The following GALNT17 variants were observed in gnomAD, a reference collection of about 807,000 sequenced individuals.
GALNT17 encodes the protein UDP-GalNAc:polypeptide N-acetylgalactosaminyltransferase-like 3.
A neutral mutation model predicts 63.7 loss-of-function variants in GALNT17; 29 were observed. The observed-to-expected ratio is 0.46, with a 90% CI of 0.34 to 0.62. GALNT17 has a LOEUF of 0.62. GALNT17 is among the 20% of genes least tolerant of loss of function. The pLI, the probability that GALNT17 is intolerant of heterozygous loss-of-function variation, is 0.01. For missense variants in GALNT17, 603 were observed against 799.6 expected (o/e 0.75, Z 2.97); for synonymous variants, 305 against 318.3 (o/e 0.96, Z 0.45).
intron 5 of GALNT17, among the ~76,000 whole-genome samples, chr7:71,470,282 TA>T (rs1303666363): frequency 6.6e-6 from 1 of 152,158 alleles, no homozygotes; most frequent in African/African-American, 2.4e-5. Flanking sequence ...TGATACATTA[TA>T]AAAGGTAAGA....
chr7:71,211,218 G>A (rs1171074010), intron 1 of GALNT17, among the ~76,000 whole-genome samples: 1 of 152,136 alleles, frequency 6.6e-6, no homozygotes, highest in Non-Finnish European at 1.5e-5. Flanking sequence ...CCAGGGGGAG[G>A]TAGTTGAATC....
chr7:71,683,946 T>C (rs574988044), intron 9 of GALNT17, among the ~76,000 whole-genome samples: 2 of 149,330 alleles, frequency 1.3e-5, no homozygotes, highest in Non-Finnish European at 3.0e-5. Flanking sequence ...GAGGCGGAGG[T>C]TGCAGTGAGC....
intron 1 of GALNT17, among the ~76,000 whole-genome samples, chr7:71,259,025 T>G: frequency 6.6e-6 from 1 of 152,062 alleles, no homozygotes; most frequent in East Asian, 1.9e-4. Flanking sequence ...GGGGACCTCT[T>G]CTAGTTGTTT....
chr7:71,690,650 T>G (rs1173692347), intron 9 of GALNT17, among the ~76,000 whole-genome samples: 1 of 152,178 alleles, frequency 6.6e-6, no homozygotes, highest in Non-Finnish European at 1.5e-5. Flanking sequence ...TAGATACCAG[T>G]AAGCATGTTT....
At chr7:71,401,222 G>A (rs549437355) in intron 3 of GALNT17, among the ~76,000 whole-genome samples, 2 of 150,922 alleles carry the variant, frequency 1.3e-5, no homozygotes, top group Admixed American at 6.6e-5. Flanking sequence ...TCAGCCTCCC[G>A]AGTAGCTGCA....
chr7:71,317,151 G>A lies in GALNT17; in HGVS notation c.239-18399G>A, dbSNP rs76735426. ...TCTTTATGGAATATTTACCCCCAAC[G>A]TGCCTGCTGTTTCTTTTTCTCATCT... On this transcript the variant is annotated intron_variant, in intron 1 of 10. Coordinates refer to ENST00000333538, the MANE Select transcript of GALNT17 (RefSeq NM_022479.3). 5.3e-3 allele frequency among the ~76,000 whole-genome samples: 800 copies of A among 152,230 alleles called. 7 individuals carry two copies. The highest frequency in any genetic ancestry group is 0.018 in the African/African-American group (759 of 41,534).
At chr7:71,508,896 A>T (rs542954480) in intron 5 of GALNT17, among the ~76,000 whole-genome samples, 141 of 152,210 alleles carry the variant, frequency 9.3e-4, no homozygotes, top group African/African-American at 3.3e-3. Flanking sequence ...TACCCTGGAC[A>T]CGTTCTTGTG....
intron 5 of GALNT17, among the ~76,000 whole-genome samples, chr7:71,524,359 T>G (rs1294383328): frequency 1.3e-5 from 2 of 150,704 alleles, no homozygotes; most frequent in East Asian, 3.9e-4. Flanking sequence ...AGTAATATAC[T>G]ATTACTATTA....
chr7:71,457,538 G>A (rs1320944406), intron 5 of GALNT17, among the ~76,000 whole-genome samples: 2 of 152,216 alleles, frequency 1.3e-5, no homozygotes, highest in Non-Finnish European at 2.9e-5. Flanking sequence ...AAGGCTGCTG[G>A]TTGCCCATTT....
intron 5 of GALNT17, among the ~76,000 whole-genome samples, chr7:71,471,409 A>AAAAG (rs1787628953): frequency 6.7e-6 from 1 of 148,714 alleles, no homozygotes; most frequent in Non-Finnish European, 1.5e-5. Context: ...CAAAAAAAAA[A>AAAAG]AAAAACAAAA....
At chr7:71,467,391 C>T (rs1228080223) in intron 5 of GALNT17, among the ~76,000 whole-genome samples, 3 of 152,150 alleles carry the variant, frequency 2.0e-5, no homozygotes, top group African/African-American at 7.2e-5. Flanking sequence ...ATCAGGCTCA[C>T]AGGAGATGGA....
At chr7:71,668,251 T>G (rs1791014682) in intron 7 of GALNT17, among the ~76,000 whole-genome samples, 5 of 151,110 alleles carry the variant, frequency 3.3e-5, no homozygotes, top group African/African-American at 4.8e-5. Context: ...GACCATTAGC[T>G]CACGCCTGTA....
At chr7:71,590,689 T>C (rs1220371258) in intron 6 of GALNT17, among the ~76,000 whole-genome samples, 2 of 152,220 alleles carry the variant, frequency 1.3e-5, no homozygotes. Context: ...CCTGTCCATG[T>C]AGCCATGTTG....
chr7:71,266,452 G>A (rs968631625), intron 1 of GALNT17, among the ~76,000 whole-genome samples: 3 of 152,090 alleles, frequency 2.0e-5, no homozygotes, highest in Non-Finnish European at 4.4e-5. Context: ...CTCTGCCATG[G>A]TAAGGCGTGC....
chr7:71,470,263 T>A (rs1339919212), intron 5 of GALNT17, among the ~76,000 whole-genome samples: 1 of 152,028 alleles, frequency 6.6e-6, no homozygotes, highest in East Asian at 1.9e-4. Context: ...AGTTAGAAAT[T>A]AACAGCAATG....
intron 5 of GALNT17, among the ~76,000 whole-genome samples, chr7:71,534,080 A>G (rs2116787833): frequency 6.6e-6 from 1 of 152,202 alleles, no homozygotes; most frequent in East Asian, 1.9e-4. Context: ...AGAAACTCAG[A>G]TAAAACAAAT....
At chr7:71,593,036 C>A (rs1789832776) in intron 6 of GALNT17, among the ~76,000 whole-genome samples, 1 of 151,924 alleles carries the variant, frequency 6.6e-6, no homozygotes, top group Non-Finnish European at 1.5e-5. Flanking sequence ...GTAGTCCCAG[C>A]AACTCAGGAG....
Position 71,132,578 on chromosome 7 carries a change from C to A in GALNT17, c.-225C>A. The A allele has an allele frequency of 1.8e-6, 1 of 549,570 alleles. No individual in the cohort carries two copies. Among genetic ancestry groups the A allele is most frequent in the Non-Finnish European group, 3.2e-6 (1 of 312,052 alleles). The allele number at this position is 549,570 out of a possible 1,614,324, so 34.0% of individuals were successfully genotyped here. The stretch of plus-strand genomic sequence containing the variant: ...GACTGAGCAGGCGTCTCGGGGAGCA[C>A]TTCTGCAGAGCGAGGACTTCCATGT... On this transcript the variant is annotated 5_prime_UTR_variant, in exon 1 of 11. Coordinates refer to ENST00000333538, the MANE Select transcript of GALNT17 (RefSeq NM_022479.3).
At chr7:71,182,607 T>G (rs1788754750) in intron 1 of GALNT17, among the ~76,000 whole-genome samples, 2 of 151,928 alleles carry the variant, frequency 1.3e-5, no homozygotes, top group Admixed American at 1.3e-4. Context: ...GAGCTCAGAG[T>G]CTTGTTTCTG....
Sources: allele counts gnomAD v4.1 joint callset (sites outside exome capture counted in the v4.1 genomes callset), GRCh38; gene constraint gnomAD v4.1.1; transcripts MANE v1.5; gene names NCBI Gene and HGNC (gene_info 2026-07-23, HGNC 2026-07-21).